Variants in CTBP2 observed in about 807,000 individuals in gnomAD.
The protein encoded by CTBP2 is C-terminal binding protein 2.
Under a neutral mutation model 80.3 loss-of-function variants are expected in CTBP2, and 30 were observed. The ratio of observed to expected loss-of-function variants is 0.37; its 90% CI spans 0.28 to 0.51. The LOEUF is 0.51. Among genes scored for constraint, CTBP2 ranks in the 20% least tolerant of loss-of-function variants. The pLI is 0.93. For missense variants in CTBP2, 1,212 were observed against 1,375.3 expected, an observed-to-expected ratio of 0.88 and a Z score of 1.88; for synonymous variants, 594 against 587.4, an observed-to-expected ratio of 1.01 and a Z score of -0.16.
intron 1 of CTBP2, among the ~76,000 whole-genome samples, chr10:125,143,403 G>C (rs112482014): frequency 0.029 from 4,351 of 152,214 alleles, 177 homozygotes; most frequent in African/African-American, 0.095. Flanking sequence ...GCTTGAACCC[G>C]GGAGGCAGAG....
intron 1 of CTBP2, among the ~76,000 whole-genome samples, chr10:125,117,808 AC>A (rs1214990753): frequency 1.3e-5 from 2 of 152,186 alleles, no homozygotes; most frequent in East Asian, 3.9e-4. Flanking sequence ...AAAAACAACA[AC>A]CCCGAAAGCT....
At chr10:125,139,412 T>G (rs1857448872) in intron 1 of CTBP2, among the ~76,000 whole-genome samples, 1 of 151,240 alleles carries the variant, frequency 6.6e-6, no homozygotes, top group South Asian at 2.1e-4. Flanking sequence ...TAGCTACTAT[T>G]ATAATTATTC....
chr10:125,159,510 G>GGCAGCA (rs918720762), intron 1 of CTBP2, among the ~76,000 whole-genome samples: 1 of 148,032 alleles, frequency 6.8e-6, no homozygotes, highest in African/African-American at 2.4e-5. Flanking sequence ...CGGCGGCAGC[G>GGCAGCA]GCAGCAGATG....
upstream of CTBP2, chr10:125,160,905 T>C (rs1861827239): frequency 6.7e-6 from 1 of 148,576 alleles, no homozygotes; most frequent in African/African-American, 2.5e-5. Context: ...CTATTTGCTC[T>C]TCTTTATTTG....
At chr10:125,103,022 G>A (rs1039807039) in intron 2 of CTBP2, among the ~76,000 whole-genome samples, 13 of 152,196 alleles carry the variant, frequency 8.5e-5, no homozygotes, top group African/African-American at 2.7e-4. Flanking sequence ...TAGACTCCCC[G>A]CCCTACTTGC....
Position 125,080,611 on chromosome 10 carries a change from C to A in CTBP2, c.-102+30379G>T, listed in dbSNP as rs534186754. On this transcript the variant is annotated intron_variant, in intron 2 of 10. Transcript: ENST00000337195. ...GCCCCACTGCCAAAGGGTCTCCAGA[C>A]GCACATAAGAAATTTAAAAAGGGGG... Among the ~76,000 whole-genome samples the A allele has an allele frequency of 1.5e-3, 221 of 152,250 alleles. 2 individuals are homozygous for A. Among genetic ancestry groups the A allele is most frequent in the African/African-American group, 5.1e-3 (211 of 41,544 alleles).
chr10:125,067,578 A>T (rs1157335062), intron 2 of CTBP2, among the ~76,000 whole-genome samples: 1 of 152,246 alleles, frequency 6.6e-6, no homozygotes, highest in African/African-American at 2.4e-5. Flanking sequence ...GCTTTTATAT[A>T]TGCCATTTAT....
chr10:125,079,592 C>CA (rs1846865706), intron 2 of CTBP2, among the ~76,000 whole-genome samples: 1 of 152,172 alleles, frequency 6.6e-6, no homozygotes, highest in Non-Finnish European at 1.5e-5. Flanking sequence ...GCCTTGGCTA[C>CA]AAAAACAGAA....
rs1952052425 is a variant in CTBP2 at position 124,986,680 on chromosome 10, A to ATAAG, written c.*2834_*2837dup. The ATAAG allele has an allele frequency of 6.6e-6, 1 of 152,200 alleles. No individual in the cohort carries two copies. Among genetic ancestry groups the ATAAG allele is most frequent in the Non-Finnish European group, 1.5e-5 (1 of 68,040 alleles). The allele number at this position is 152,200 out of a possible 1,614,324, so 9.4% of individuals were successfully genotyped here. A position where few individuals can be genotyped will look rare whatever the true frequency, so the allele number is the denominator to read the frequency against. On this transcript the variant is annotated 3_prime_UTR_variant, in exon 9 of 9. Coordinates refer to ENST00000309035, the MANE Select transcript of CTBP2 (RefSeq NM_022802.3). ...TGGCTGTTTGCTTTCATTTTGGCCAATAAGTAATCAAGTTTGTAGAAAATG... is the reference window on the plus strand; with the variant it reads ...TGGCTGTTTGCTTTCATTTTGGCCAATAAGTAAGTAATCAAGTTTGTAGAAAATG...
In CTBP2 at chr10:125,026,598, C is replaced by CTGGGGCTGCAGG. The variant is rs775834821; in HGVS notation, c.1161_1162insCCTGCAGCCCCA (p.Gly387_Ala388insProAlaAlaPro). ...GATGCTGTCTGCAGAGGAGCCGCAGCGCCCAGAGAAGCCAAGTCACCATGG... is the reference window on the plus strand; with the variant it reads ...GATGCTGTCTGCAGAGGAGCCGCAGCTGGGGCTGCAGGGCCCAGAGAAGCCAAGTCACCATGG... On this transcript the variant is annotated inframe_insertion, in exon 1 of 9. Coordinates refer to ENST00000309035, the MANE Select transcript of CTBP2 (RefSeq NM_022802.3). 7.7e-7 allele frequency: 1 copy of CTGGGGCTGCAGG among 1,303,342 alleles called. No individual in the cohort carries two copies. Among genetic ancestry groups the CTGGGGCTGCAGG allele is most frequent in the Non-Finnish European group, 1.0e-6 (1 of 952,768 alleles). 80.7% of individuals were successfully genotyped at this position (1,303,342 alleles called of 1,614,324 possible).
At chr10:125,103,090 G>T (rs947283078) in intron 2 of CTBP2, among the ~76,000 whole-genome samples, 1 of 152,108 alleles carries the variant, frequency 6.6e-6, no homozygotes, top group Non-Finnish European at 1.5e-5. Flanking sequence ...TCAAGAACAC[G>T]GCGTGATTAT....
intron 1 of CTBP2, among the ~76,000 whole-genome samples, chr10:125,123,781 C>T (rs1017025690): frequency 2.0e-5 from 3 of 152,224 alleles, no homozygotes; most frequent in Non-Finnish European, 2.9e-5. Flanking sequence ...GCTCGTGCTA[C>T]GTCAATTCTT....
intron 1 of CTBP2, among the ~76,000 whole-genome samples, chr10:125,142,599 G>A (rs368810771): frequency 5.3e-5 from 8 of 152,126 alleles, no homozygotes; most frequent in African/African-American, 1.7e-4. Flanking sequence ...CATGCTAAAG[G>A]GTGTTTTACT....
intron 1 of CTBP2, among the ~76,000 whole-genome samples, chr10:125,145,591 GGAA>G (rs1330838782): frequency 2.0e-5 from 3 of 152,152 alleles, no homozygotes; most frequent in African/African-American, 7.2e-5. Flanking sequence ...CTCCCTGCTA[GGAA>G]GAAGAAGGCA....
In CTBP2 at chr10:125,066,371, G is replaced by T. The variant is rs910353860; in HGVS notation, c.-101-27216C>A. On this transcript the variant is annotated intron_variant, in intron 2 of 10. Transcript: ENST00000337195. The surrounding 1 kb of genome is among the most constrained non-coding windows in gnomAD (Gnocchi z 4.1). Reference sequence around the variant, plus strand: ...AATCGGGAAAACATCAAGTCAGAACGTCCCGTGCCTTCTAAGCAGTCAGGT... The same window carrying T: ...AATCGGGAAAACATCAAGTCAGAACTTCCCGTGCCTTCTAAGCAGTCAGGT... 6.6e-6 allele frequency among the ~76,000 whole-genome samples: 1 copy of T among 152,236 alleles called. No homozygotes were observed. Among genetic ancestry groups the T allele is most frequent in the East Asian group, 1.9e-4 (1 of 5,166 alleles).
upstream of CTBP2, among the ~76,000 whole-genome samples, chr10:125,031,064 T>G (rs1958133925): frequency 6.6e-6 from 1 of 152,034 alleles, no homozygotes; most frequent in Non-Finnish European, 1.5e-5. Context: ...GGTAACACGG[T>G]TTTCTGGCAG....
chr10:125,159,416 C>A (rs2133546852), intron 1 of CTBP2, among the ~76,000 whole-genome samples: 1 of 145,308 alleles, frequency 6.9e-6, no homozygotes, highest in South Asian at 2.1e-4. Context: ...CCGCCCGGCC[C>A]CCGCCCGCGC....
At chr10:125,152,051 G>A (rs2133421995) in intron 1 of CTBP2, among the ~76,000 whole-genome samples, 1 of 152,278 alleles carries the variant, frequency 6.6e-6, no homozygotes, top group Admixed American at 6.5e-5. Flanking sequence ...GGCCCGCGGA[G>A]GGGCCAGGGT....
intron 2 of CTBP2, among the ~76,000 whole-genome samples, chr10:125,060,030 G>A (rs1199573327): frequency 6.6e-6 from 1 of 152,184 alleles, no homozygotes; most frequent in Non-Finnish European, 1.5e-5. Flanking sequence ...ATCCTTCCCG[G>A]GGGCCAAAGG....
Sources: allele counts gnomAD v4.1 joint callset (sites outside exome capture counted in the v4.1 genomes callset), GRCh38; gene constraint gnomAD v4.1.1; non-coding constraint Gnocchi (gnomAD v3.1); transcripts MANE v1.5; gene names NCBI Gene and HGNC (gene_info 2026-07-23, HGNC 2026-07-21).